Variants in MYO6 observed in about 807,000 individuals in gnomAD.
MYO6 encodes unconventional myosin-VI.
Under a neutral mutation model 178.7 loss-of-function variants are expected in MYO6, and 74 were observed. The observed-to-expected ratio is 0.41, with a 90% CI of 0.34 to 0.50. The LOEUF is 0.50. MYO6 is among the 20% of genes least tolerant of loss of function. The probability of loss-of-function intolerance (pLI) is 0.09; values close to 1 mark genes in which losing one functional copy is unlikely to be tolerated. For synonymous variants in MYO6, 477 were observed against 504.6 expected, an observed-to-expected ratio of 0.95 and a Z score of 0.73; for missense variants, 1,330 against 1,547.4, an observed-to-expected ratio of 0.86 and a Z score of 2.36.
At chr6:75,811,341 G>T (rs997694278) in intron 1 of MYO6, among the ~76,000 whole-genome samples, 4 of 152,108 alleles carry the variant, frequency 2.6e-5, no homozygotes, top group African/African-American at 9.7e-5. Context: ...CAGCTCTCTT[G>T]TGGTTGCTGT....
intron 1 of MYO6, among the ~76,000 whole-genome samples, chr6:75,800,293 G>A: frequency 6.6e-6 from 1 of 152,146 alleles, no homozygotes; most frequent in East Asian, 1.9e-4. Context: ...CATACAGTGT[G>A]TTTCCCAACA....
At chr6:75,753,376 G>A (rs1009247955) in intron 1 of MYO6, among the ~76,000 whole-genome samples, 5 of 151,464 alleles carry the variant, frequency 3.3e-5, no homozygotes, top group African/African-American at 7.3e-5. Context: ...AAGAAGTAGA[G>A]TTAAATAAGC....
In MYO6 at chr6:75,892,555, G is replaced by C; in HGVS notation, c.2972G>C (p.Arg991Pro). Residue 991 changes from arginine (R) to proline (P), a missense_variant, in exon 28 of 35, where the codon CGA becomes CCA. By Grantham distance (103) the Arg-to-Pro change is moderately radical. Coordinates refer to ENST00000369977, the MANE Select transcript of MYO6 (RefSeq NM_004999.4). ...GCTGAAGTGGAGGCACAGCTGGCCC[G>C]ACAGAAGGAGGAGGAATCCCAACAG... ...IQAEVEAQLA[R>P]QKEEESQQQA... The C allele has an allele frequency of 6.2e-7, 1 of 1,613,898 alleles. No individual in the cohort carries two copies. The highest frequency in any genetic ancestry group is 1.1e-5 in the South Asian group (1 of 91,054).
intron 20 of MYO6, among the ~76,000 whole-genome samples, chr6:75,875,402 G>A (rs138054902): frequency 3.6e-4 from 55 of 152,208 alleles, no homozygotes; most frequent in African/African-American, 1.3e-3. Context: ...AGCCTCTCAA[G>A]TAGCTGGAAC....
At chr6:75,753,971 CTG>C (rs1562108584) in intron 1 of MYO6, among the ~76,000 whole-genome samples, 3 of 152,090 alleles carry the variant, frequency 2.0e-5, no homozygotes, top group Non-Finnish European at 1.5e-5. Flanking sequence ...AAAGTTTTCC[CTG>C]TGAGTACTGA....
rs1477435705 is a variant in MYO6 at position 75,865,352 on chromosome 6, T to C, written c.1675-1174T>C. ...GCGGTAGACTCTCAATTTTAAATGA[T>C]GTCTTTTTTTTTTTTTTTTTTTTTT... On this transcript the variant is annotated intron_variant, in intron 16 of 34. Transcript: ENST00000369977. 14 of 139,512 alleles carry C rather than the reference T, an allele frequency of 1.0e-4. No individual in the cohort carries two copies. In the East Asian group the frequency reaches 2.2e-3, roughly 22 times the overall value. The allele number at this position is 139,512 out of a possible 1,614,324, so 8.6% of individuals were successfully genotyped here.
At chr6:75,868,477 A>G (rs767563250) in intron 18 of MYO6, among the ~76,000 whole-genome samples, 2 of 152,120 alleles carry the variant, frequency 1.3e-5, no homozygotes, top group Non-Finnish European at 2.9e-5. Flanking sequence ...AAATATAAAT[A>G]AAGACATTCT....
intron 1 of MYO6, among the ~76,000 whole-genome samples, chr6:75,769,385 A>G (rs1778718685): frequency 6.6e-6 from 1 of 152,228 alleles, no homozygotes; most frequent in Non-Finnish European, 1.5e-5. Flanking sequence ...CTTCCAAGAT[A>G]CAGTGAGGGT....
rs188189468 is a variant in MYO6, at chr6:75,883,491, T to C, written c.2416+1673T>C. 5.9e-4 allele frequency among the ~76,000 whole-genome samples: 90 copies of C among 152,332 alleles called. No individual in the cohort carries two copies. In the East Asian group the frequency reaches 0.016, roughly 26 times the overall value. On this transcript the variant is annotated intron_variant, in intron 23 of 34. Transcript: ENST00000369977. ...TTTTGGAATTCTTCTGTGATTCCTCTGATTGGGATTTTTAGGATTTTTGAT... is the reference window on the plus strand; with the variant it reads ...TTTTGGAATTCTTCTGTGATTCCTCCGATTGGGATTTTTAGGATTTTTGAT...
chr6:75,901,758 T>G (rs1280593847), intron 30 of MYO6, among the ~76,000 whole-genome samples: 1 of 152,148 alleles, frequency 6.6e-6, no homozygotes, highest in Non-Finnish European at 1.5e-5. Flanking sequence ...CTTCCAACAC[T>G]ATGTTGAATA....
At chr6:75,764,020 A>C (rs1778178095) in intron 1 of MYO6, among the ~76,000 whole-genome samples, 1 of 152,098 alleles carries the variant, frequency 6.6e-6, no homozygotes, top group African/African-American at 2.4e-5. Flanking sequence ...CATTTAGAGC[A>C]TTATTCTTTT....
chr6:75,766,811 T>G (rs1778459110), intron 1 of MYO6, among the ~76,000 whole-genome samples: 1 of 152,212 alleles, frequency 6.6e-6, no homozygotes, highest in African/African-American at 2.4e-5. Context: ...TATGTACACA[T>G]ATATTGGATT....
chr6:75,796,849 T>G (rs887810353), intron 1 of MYO6, among the ~76,000 whole-genome samples: 3 of 152,156 alleles, frequency 2.0e-5, no homozygotes, highest in Admixed American at 2.0e-4. Context: ...TGGTTTTCTG[T>G]TCCTGTGTTA....
At chr6:75,889,955 A>T in intron 25 of MYO6, 102 bp from the exon 26 acceptor site, 1 of 883,366 alleles carries the variant, frequency 1.1e-6, no homozygotes, top group Non-Finnish European at 1.8e-6. Context: ...AATTTATCTT[A>T]GCCATTTTTC....
At chr6:75,836,129 C>A (rs1773619191) in intron 7 of MYO6, among the ~76,000 whole-genome samples, 173 bp downstream of exon 7, 1 of 152,192 alleles carries the variant, frequency 6.6e-6, no homozygotes, top group Non-Finnish European at 1.5e-5. Flanking sequence ...CTGCCCCCAC[C>A]CGCACCTCAT....
intron 1 of MYO6, among the ~76,000 whole-genome samples, chr6:75,787,195 A>G (rs1415526685): frequency 6.6e-6 from 1 of 152,206 alleles, no homozygotes; most frequent in African/African-American, 2.4e-5. Flanking sequence ...AGGATGTCGA[A>G]CAATGGGAAC....
intron 10 of MYO6, among the ~76,000 whole-genome samples, chr6:75,845,561 G>A (rs1475429608): frequency 6.6e-6 from 1 of 152,020 alleles, no homozygotes; most frequent in Non-Finnish European, 1.5e-5. Context: ...GGGTGAGGTC[G>A]TGTATGCCTA....
intron 2 of MYO6, among the ~76,000 whole-genome samples, chr6:75,818,673 A>G (rs933544189): frequency 2.0e-5 from 3 of 152,196 alleles, no homozygotes; most frequent in Non-Finnish European, 4.4e-5. Context: ...AACAAGGTGG[A>G]TCTCTCATGA....
At chr6:75,822,719 C>A in intron 2 of MYO6, 63 bp from the exon 3 acceptor site, 1 of 1,283,092 alleles carries the variant, frequency 7.8e-7, no homozygotes. Flanking sequence ...ACCAATTAAG[C>A]CCTTCTATTG....
Sources: gnomAD v4.1 joint callset for allele counts (sites outside exome capture counted in the v4.1 genomes callset) on GRCh38, gnomAD v4.1.1 for gene constraint, MANE v1.5 for transcripts, NCBI Gene and HGNC (gene_info 2026-07-23, HGNC 2026-07-21) for gene names.